The following VPS13A variants were observed in gnomAD, a reference collection of about 807,000 sequenced individuals.
VPS13A encodes the protein vacuolar protein sorting 13 homolog A, also known as intermembrane lipid transfer protein VPS13A.
Under a neutral mutation model 390.9 loss-of-function variants are expected in VPS13A, and 264 were observed. That is an observed-to-expected ratio of 0.68 (90% confidence interval 0.61 to 0.75). The LOEUF (loss-of-function observed/expected upper bound fraction) is 0.75, where lower values mean the gene tolerates loss of function less well. VPS13A is among the 30% of genes least tolerant of loss of function. The probability of loss-of-function intolerance (pLI) is 0.00; values close to 1 mark genes in which losing one functional copy is unlikely to be tolerated. For missense variants in VPS13A, 3,409 were observed against 3,733.9 expected, an observed-to-expected ratio of 0.91 and a Z score of 2.27; for synonymous variants, 1,231 against 1,227.1, an observed-to-expected ratio of 1.00 and a Z score of -0.07.
At chr9:77,353,726 A>G (rs949690280) in intron 54 of VPS13A, 85 bp downstream of exon 54, 1 of 1,317,724 alleles carries the variant, frequency 7.6e-7, no homozygotes, top group African/African-American at 1.5e-5. Context: ...CAAATGATTT[A>G]GTTTCAGTTT....
intron 68 of VPS13A, among the ~76,000 whole-genome samples, chr9:77,399,203 A>T (rs930620685): frequency 2.1e-5 from 2 of 94,334 alleles, no homozygotes; most frequent in Non-Finnish European, 4.5e-5. Context: ...AAAAAAAAAA[A>T]AACAAAGGAT....
In VPS13A at chr9:77,331,894, A is replaced by G; in HGVS notation, c.5992-116A>G. Reference sequence around the variant, plus strand: ...GTTTCTTTTCTAATTTATATAAGCAAGATGAATATTGCCTGATAGTTCCTT... The same window carrying G: ...GTTTCTTTTCTAATTTATATAAGCAGGATGAATATTGCCTGATAGTTCCTT... On this transcript the variant is annotated intron_variant, in intron 45 of 71. Transcript: ENST00000360280. The G allele has an allele frequency of 4.3e-6, 3 of 690,240 alleles. No homozygotes were observed. The South Asian group carries it at 5.1e-5, about 12-fold the overall frequency. 42.8% of individuals were successfully genotyped at this position (690,240 alleles called of 1,614,324 possible).
At chr9:77,259,559 C>T (rs1332809004) in intron 22 of VPS13A, among the ~76,000 whole-genome samples, 2 of 152,096 alleles carry the variant, frequency 1.3e-5, no homozygotes, top group African/African-American at 4.8e-5. Flanking sequence ...ATAGTGAAAA[C>T]TAACTTTCTG....
At chr9:77,261,523 A>T (rs1825760877) in intron 23 of VPS13A, among the ~76,000 whole-genome samples, 1 of 151,846 alleles carries the variant, frequency 6.6e-6, no homozygotes, top group Non-Finnish European at 1.5e-5. Context: ...AATTCCTAGA[A>T]ATGGAATTGT....
Position 77,415,918 on chromosome 9 carries a change from C to T in VPS13A, c.9475-38C>T, listed in dbSNP as rs372302367. The T allele has an allele frequency of 4.3e-5, 69 of 1,611,016 alleles. 1 individual carries two copies. In the African/African-American group the frequency reaches 8.3e-4, roughly 19 times the overall value. ...TACATTTTGTTTCATTACAAGTTCA[C>T]TGAAGTAAGCAAATGTTCATTTATT... On this transcript the variant is annotated intron_variant, in intron 71 of 71. Coordinates refer to ENST00000360280, the MANE Select transcript of VPS13A (RefSeq NM_033305.3).
intron 32 of VPS13A, among the ~76,000 whole-genome samples, chr9:77,293,745 A>T (rs1465083640): frequency 6.6e-6 from 1 of 151,856 alleles, no homozygotes; most frequent in Non-Finnish European, 1.5e-5. Context: ...CATTAAGTTT[A>T]TGTGCATTAT....
chr9:77,209,387 C>T (rs758860269), intron 5 of VPS13A, 36 bp from the exon 6 acceptor site: 1 of 1,422,000 alleles, frequency 7.0e-7, no homozygotes, highest in Non-Finnish European at 9.9e-7. Context: ...GTATATTTTT[C>T]ATTCAATTTT....
chr9:77,305,230 G>T (rs772192276), intron 34 of VPS13A, among the ~76,000 whole-genome samples: 9 of 152,054 alleles, frequency 5.9e-5, no homozygotes, highest in Non-Finnish European at 1.0e-4. Flanking sequence ...GAGCCATCAC[G>T]CCTGGCCGAG....
At chr9:77,305,762 G>C (rs1828703646) in intron 34 of VPS13A, 1 of 152,420 alleles carries the variant, frequency 6.6e-6, no homozygotes, top group Admixed American at 6.5e-5. Flanking sequence ...GGAGAGGCTA[G>C]AATTGGTTGT....
intron 17 of VPS13A, among the ~76,000 whole-genome samples, chr9:77,229,550 C>T (rs978333091): frequency 6.6e-6 from 1 of 152,160 alleles, no homozygotes; most frequent in Non-Finnish European, 1.5e-5. Context: ...TTCTGTTTGG[C>T]ATTTTTCACT....
At chr9:77,252,704 A>G (rs1477866606) in intron 22 of VPS13A, among the ~76,000 whole-genome samples, 1 of 152,052 alleles carries the variant, frequency 6.6e-6, no homozygotes, top group Non-Finnish European at 1.5e-5. Context: ...TATGAATTTG[A>G]CTATTTTAGG....
At chr9:77,234,755 T>G (rs1275977550) in intron 17 of VPS13A, among the ~76,000 whole-genome samples, 1 of 152,330 alleles carries the variant, frequency 6.6e-6, no homozygotes, top group Admixed American at 6.5e-5. Context: ...CAGTACTGTC[T>G]TCTTAGTGTT....
At chr9:77,351,220 C>T in intron 52 of VPS13A, 97 bp from the exon 53 acceptor site, 3 of 1,474,304 alleles carry the variant, frequency 2.0e-6, no homozygotes, top group Non-Finnish European at 2.8e-6. Context: ...TCACAGATCT[C>T]AGTGAACTAA....
In VPS13A at chr9:77,270,778, C is replaced by T. The variant is rs138639481; in HGVS notation, c.2428-2502C>T. The stretch of plus-strand genomic sequence containing the variant: ...CAGCCTAGCTAAGTGGGGGAAGGAT[C>T]ACCTTTTCAACATATGGTTCTGAAA... On this transcript the variant is annotated intron_variant, in intron 23 of 71. Transcript: ENST00000360280. 1.7e-4 allele frequency among the ~76,000 whole-genome samples: 26 copies of T among 152,276 alleles called. No homozygotes were observed. In the East Asian group the frequency reaches 5.0e-3, roughly 29 times the overall value.
At chr9:77,247,151 A>G in intron 19 of VPS13A, 108 bp from the exon 20 acceptor site, 1 of 955,170 alleles carries the variant, frequency 1.0e-6, no homozygotes, top group Non-Finnish European at 1.5e-6. Flanking sequence ...TTTAAAATTA[A>G]TACTAATTTT....
chr9:77,399,987 A>G (rs985066325), intron 68 of VPS13A, among the ~76,000 whole-genome samples: 1 of 152,176 alleles, frequency 6.6e-6, no homozygotes, highest in African/African-American at 2.4e-5. Flanking sequence ...TGACTTCATA[A>G]TGCTCCATTG....
At chr9:77,197,276 C>T (rs761129785) in intron 1 of VPS13A, among the ~76,000 whole-genome samples, 5 of 152,056 alleles carry the variant, frequency 3.3e-5, no homozygotes, top group Non-Finnish European at 7.4e-5. Flanking sequence ...TCTTTTGGTC[C>T]AGTTGGTCAA....
Position 77,318,316 on chromosome 9 carries a change from G to A in VPS13A, c.5038G>A (p.Ala1680Thr), listed in dbSNP as rs1483997506. 6.2e-7 allele frequency: 1 copy of A among 1,611,674 alleles called. No homozygotes were observed. The highest frequency in any genetic ancestry group is 1.7e-5 in the Admixed American group (1 of 59,494). The change falls in exon 41 of 72, where the codon GCT (alanine) becomes ACT (threonine). Residue 1680 changes from alanine (A) to threonine (T), a missense_variant. Ala to Thr is a moderately conservative substitution (Grantham distance 58). Transcript: ENST00000360280. ...TAAGGAAACCATCCCAGAAGAAACG[G>A]CTTCTTCTACTGCACATTTATGGGA... ...TTKETIPEET[A>T]SSTAHLWEKK...
At chr9:77,376,277 G>A (rs1034369407) in intron 67 of VPS13A, among the ~76,000 whole-genome samples, 3 of 152,144 alleles carry the variant, frequency 2.0e-5, no homozygotes, top group African/African-American at 7.2e-5. Flanking sequence ...ATCACATCTC[G>A]TAGAACTCGG....
Sources: gnomAD v4.1 joint callset for allele counts (sites outside exome capture counted in the v4.1 genomes callset) on GRCh38, gnomAD v4.1.1 for gene constraint, MANE v1.5 for transcripts, NCBI Gene and HGNC (gene_info 2026-07-23, HGNC 2026-07-21) for gene names.